Variants in SERINC5 observed in about 807,000 individuals in gnomAD.
SERINC5 encodes chromosome 5 open reading frame 12.
A neutral mutation model predicts 63.1 loss-of-function variants in SERINC5; 41 were observed. That is an observed-to-expected ratio of 0.65 (90% confidence interval 0.51 to 0.84). SERINC5 has a LOEUF of 0.84. Ranked by LOEUF, SERINC5 falls within the 40% of genes least tolerant of loss-of-function variation. The pLI is 0.00. For synonymous variants in SERINC5, 222 were observed against 215.2 expected (o/e 1.03, Z -0.28); for missense variants, 523 against 573.0 (o/e 0.91, Z 0.89).
chr5:80,210,477 T>A (rs192715447), intron 1 of SERINC5, among the ~76,000 whole-genome samples: 1 of 152,310 alleles, frequency 6.6e-6, no homozygotes, highest in African/African-American at 2.4e-5. Context: ...GATCTAGGTG[T>A]GTGAGGAAAT....
chr5:80,181,944 CATTAACCCTTTTCCTATTCCCTTTCTCTT>C (rs1330435298), intron 2 of SERINC5, among the ~76,000 whole-genome samples: 3 of 152,212 alleles, frequency 2.0e-5, no homozygotes, highest in Admixed American at 6.5e-5. Flanking sequence ...TGGACTACTT[CATTAACCCTTTTCCTATTCCCTTTCTCTT>C]AATGTTAAAT....
chr5:80,192,155 GAA>G (rs1367771828), intron 2 of SERINC5, among the ~76,000 whole-genome samples: 3 of 152,222 alleles, frequency 2.0e-5, no homozygotes, highest in Admixed American at 6.5e-5. Context: ...CTCTTTGTAA[GAA>G]AAGTCTGCCC....
At chr5:80,183,581 T>C (rs1748596540) in intron 2 of SERINC5, among the ~76,000 whole-genome samples, 1 of 152,132 alleles carries the variant, frequency 6.6e-6, no homozygotes. Context: ...GGCCCTGCTC[T>C]GCCTTAACTG....
In SERINC5 at chr5:80,182,553, C is replaced by A. The variant is rs545118250; in HGVS notation, c.196-4489G>T. Among the ~76,000 whole-genome samples, 335 of 128,202 alleles carry A rather than the reference C, an allele frequency of 2.6e-3. 16 individuals are homozygous for A. The highest frequency in any genetic ancestry group is 0.01 in the African/African-American group (300 of 29,322). 84.1% of individuals were successfully genotyped at this position (128,202 alleles called of 152,430 possible). On this transcript the variant is annotated intron_variant, in intron 2 of 11. Transcript: ENST00000507668. ...CTTCTATCATCTGACCGCCCCCCCC[C>A]CCTCCGCTTTTTTTTAATTGAGACC...
chr5:80,170,006 G>A (rs1001043849), intron 5 of SERINC5, among the ~76,000 whole-genome samples: 2 of 152,138 alleles, frequency 1.3e-5, no homozygotes, highest in Non-Finnish European at 2.9e-5. Context: ...AGGGGAGAAG[G>A]CACGCAGGAA....
chr5:80,189,502 G>T (rs1391744357), intron 2 of SERINC5, among the ~76,000 whole-genome samples: 2 of 152,150 alleles, frequency 1.3e-5, no homozygotes, highest in African/African-American at 4.8e-5. Context: ...TACGGCTATG[G>T]CCCCACACAG....
intron 3 of SERINC5, 29 bp from the exon 4 acceptor site, chr5:80,177,426 A>AT: frequency 6.5e-7 from 1 of 1,543,758 alleles, no homozygotes. Context: ...AAAAGAGGAA[A>AT]TGTATTTAAA....
At chr5:80,147,379 G>GCCCTGGATTGCCCGTAT in intron 9 of SERINC5, 95 bp from the exon 10 acceptor site, 1 of 1,303,002 alleles carries the variant, frequency 7.7e-7, no homozygotes. Context: ...CACCTCCCAG[G>GCCCTGGATTGCCCGTAT]CCCTTCAAAA....
chr5:80,177,223 A>G (rs1748091517), intron 4 of SERINC5, 92 bp downstream of exon 4: 1 of 835,652 alleles, frequency 1.2e-6, no homozygotes, highest in Non-Finnish European at 2.0e-6. Flanking sequence ...AGTAATTCTA[A>G]CTATCAGAGG....
Position 80,140,058 on chromosome 5 carries a change from A to C in SERINC5, c.*3605T>G, listed in dbSNP as rs1369289719. ...AAAAGGCAGAGGGTAGGCTGCGTGC[A>C]GTGGTTTACGCCTATAATCCCAGCA... On this transcript the variant is annotated 3_prime_UTR_variant, in exon 12 of 12. Coordinates refer to ENST00000507668, the MANE Select transcript of SERINC5 (RefSeq NM_001174072.3). The C allele has an allele frequency of 1.0e-6, 1 of 984,832 alleles. No homozygotes were observed. The highest frequency in any genetic ancestry group is 1.7e-5 in the African/African-American group (1 of 57,194). 61.0% of individuals were successfully genotyped at this position (984,832 alleles called of 1,614,324 possible).
chr5:80,195,776 C>T (rs1398851448), intron 2 of SERINC5, among the ~76,000 whole-genome samples: 1 of 152,190 alleles, frequency 6.6e-6, no homozygotes, highest in Non-Finnish European at 1.5e-5. Context: ...AAAAGATGTG[C>T]TTATGAATAG....
Position 80,140,028 on chromosome 5 carries a change from T to C in SERINC5, c.*3635A>G. ...TGGCAAAAATTAAATAAATACATCA[T>C]CTTAAAAAGGCAGAGGGTAGGCTGC... On this transcript the variant is annotated 3_prime_UTR_variant, in exon 12 of 12. Coordinates refer to ENST00000507668, the MANE Select transcript of SERINC5 (RefSeq NM_001174072.3). 1 of 985,280 alleles carries C rather than the reference T, an allele frequency of 1.0e-6. No homozygotes were observed. The highest frequency in any genetic ancestry group is 1.1e-4 in the East Asian group (1 of 8,804). The allele number at this position is 985,280 out of a possible 1,614,324, so 61.0% of individuals were successfully genotyped here. A position where few individuals can be genotyped will look rare whatever the true frequency, so the allele number is the denominator to read the frequency against.
At chr5:80,241,667 C>A (rs1003566527) in intron 1 of SERINC5, among the ~76,000 whole-genome samples, 9 of 151,834 alleles carry the variant, frequency 5.9e-5, no homozygotes, top group African/African-American at 2.2e-4. Flanking sequence ...CACCTCTGCA[C>A]CCCAGCCTGG....
At chr5:80,255,375 G>C (rs1341533728) in intron 1 of SERINC5, among the ~76,000 whole-genome samples, 2 of 152,046 alleles carry the variant, frequency 1.3e-5, no homozygotes, top group African/African-American at 4.8e-5. Context: ...CGGTAGTTTG[G>C]AAGTCAGGCT....
In SERINC5 at chr5:80,141,842, C is replaced by T. The variant is rs1033306032; in HGVS notation, c.*1821G>A. On this transcript the variant is annotated 3_prime_UTR_variant, in exon 12 of 12. Transcript: ENST00000507668. ...ATTTACAAAACAAGGCTCTCTAAAC[C>T]ACACACACAGATGGAGTGCCTTTTG... 2.9e-5 allele frequency: 29 copies of T among 985,266 alleles called. No individual in the cohort carries two copies. The highest frequency in any genetic ancestry group is 3.5e-5 in the Non-Finnish European group (29 of 829,814). 61.0% of individuals were successfully genotyped at this position (985,266 alleles called of 1,614,324 possible).
chr5:80,221,185 G>C (rs544137607), intron 1 of SERINC5, among the ~76,000 whole-genome samples: 26 of 152,230 alleles, frequency 1.7e-4, no homozygotes, highest in Admixed American at 5.2e-4. Context: ...ACTGGAGCCT[G>C]CAGGGTAAAA....
intron 1 of SERINC5, among the ~76,000 whole-genome samples, chr5:80,219,185 A>G (rs889782484): frequency 1.3e-5 from 2 of 152,298 alleles, no homozygotes; most frequent in Middle Eastern, 3.4e-3. Context: ...ATGGGCCCAC[A>G]CTAACCTCTC....
intron 2 of SERINC5, among the ~76,000 whole-genome samples, chr5:80,198,921 A>G (rs975011165): frequency 3.9e-5 from 6 of 152,314 alleles, no homozygotes; most frequent in African/African-American, 1.4e-4. Context: ...TGTGAGGGAC[A>G]TCAGGGTTGC....
chr5:80,164,910 G>GTTTTTTTTTTTTTTTTTTTTTTTT (rs70982026), intron 7 of SERINC5, among the ~76,000 whole-genome samples: 1 of 85,180 alleles, frequency 1.2e-5, no homozygotes, highest in Non-Finnish European at 2.1e-5. Context: ...CTTTTTTTCT[G>GTTTTTTTTTTTTTTTTTTTTTTTT]TTTTTTTTTT....
Sources: gnomAD v4.1 joint callset for allele counts (sites outside exome capture counted in the v4.1 genomes callset) on GRCh38, gnomAD v4.1.1 for gene constraint, MANE v1.5 for transcripts, NCBI Gene and HGNC (gene_info 2026-07-23, HGNC 2026-07-21) for gene names.